The following CR2 variants were observed in gnomAD, a reference collection of about 807,000 sequenced individuals.
CR2 encodes the protein complement C3d receptor 2, also known as complement receptor type 2.
In CR2, 96 loss-of-function variants were observed where a neutral mutation model predicts 123.0. The ratio of observed to expected loss-of-function variants is 0.78; its 90% CI spans 0.66 to 0.93. The LOEUF is 0.93. Among genes scored for constraint, CR2 ranks in the 40% least tolerant of loss-of-function variants. The probability of loss-of-function intolerance (pLI) is 0.00; values close to 1 mark genes in which losing one functional copy is unlikely to be tolerated. For missense variants in CR2, 1,258 were observed against 1,361.0 expected (o/e 0.92, Z 1.19); for synonymous variants, 484 against 469.5 (o/e 1.03, Z -0.40).
At chr1:207,469,523 G>A (rs1658202050) in intron 5 of CR2, among the ~76,000 whole-genome samples, 172 bp from the exon 6 acceptor site, 1 of 152,134 alleles carries the variant, frequency 6.6e-6, no homozygotes, top group African/African-American at 2.4e-5. Context: ...CATATACTCA[G>A]GAATGAAGCT....
intron 6 of CR2, 100 bp downstream of exon 6, chr1:207,470,202 T>C: frequency 9.1e-6 from 12 of 1,321,660 alleles, no homozygotes; most frequent in African/African-American, 4.4e-5. Flanking sequence ...CAGTTTATAC[T>C]TCCCTCAAAT....
chr1:207,466,673 A>G lies in CR2; in HGVS notation c.206A>G (p.Asp69Gly), dbSNP rs1658109013. 2 of 1,614,114 alleles carry G rather than the reference A, an allele frequency of 1.2e-6. No homozygotes were observed. Among genetic ancestry groups the G allele is most frequent in the Non-Finnish European group, 1.7e-6 (2 of 1,179,996 alleles). Residue 69 changes from aspartate (D) to glycine (G), a missense_variant, in exon 2 of 20, where the codon GAC becomes GGC. Asp to Gly is a moderately conservative substitution (Grantham distance 94). Coordinates refer to ENST00000367057, the MANE Select transcript of CR2 (RefSeq NM_001006658.3). ...GEKSLLCITK[D>G]KVDGTWDKPA... ...AAAAGTCTATTATGCATAACTAAAG[A>G]CAAAGTGGATGGAACCTGGGATAAA...
At chr1:207,475,377 T>G (rs1451696037) in intron 14 of CR2, among the ~76,000 whole-genome samples, 161 bp downstream of exon 14, 2 of 149,438 alleles carry the variant, frequency 1.3e-5, no homozygotes, top group East Asian at 3.8e-4. Flanking sequence ...CTCACTTGAT[T>G]GTTTGTTTTC....
At chr1:207,479,869 A>G (rs1658555430) in intron 17 of CR2, 109 bp from the exon 18 acceptor site, 2 of 792,010 alleles carry the variant, frequency 2.5e-6, no homozygotes, top group Non-Finnish European at 4.5e-6. Context: ...AGAGTTAAGT[A>G]TGAGTCACAT....
Position 207,473,584 on chromosome 1 carries a change from C to T in CR2, c.2018C>T (p.Thr673Ile). 1 of 1,613,904 alleles carries T rather than the reference C, an allele frequency of 6.2e-7. No homozygotes were observed. Among genetic ancestry groups the T allele is most frequent in the Admixed American group, 1.7e-5 (1 of 59,976 alleles). The stretch of plus-strand genomic sequence containing the variant: ...CCTGGGCTCCACCATGGTCGTCATA[C>T]AGGTGGAAATACGGTCTTCTTTGTC... ...SPPGLHHGRHTGGNTVFFVSG... is the reference protein window; with the variant it reads ...SPPGLHHGRHIGGNTVFFVSG... Residue 673 changes from threonine to isoleucine, a missense_variant, in exon 11 of 20, where the codon ACA becomes ATA. By Grantham distance (89) the Thr-to-Ile change is moderately conservative. Transcript: ENST00000367057.
At chr1:207,484,958 G>C (rs1017033839) in intron 18 of CR2, among the ~76,000 whole-genome samples, 4 of 152,180 alleles carry the variant, frequency 2.6e-5, no homozygotes, top group Admixed American at 6.5e-5. Flanking sequence ...CTAGGGTAAA[G>C]CTGCTTAGTG....
rs1366279164 is a variant in CR2 at position 207,476,423 on chromosome 1, C to A, written c.2902+4C>A. ...CAACCTGCCCCTCATTGTAAAGGTG[C>A]TTTGTCTATTTTTTATTCTTATTTT... On this transcript the variant is annotated splice_donor_region_variant and intron_variant, in intron 15 of 19. Coordinates refer to ENST00000367057, the MANE Select transcript of CR2 (RefSeq NM_001006658.3). The A allele has an allele frequency of 1.2e-6, 2 of 1,612,304 alleles. No individual in the cohort carries two copies. The highest frequency in any genetic ancestry group is 4.5e-5 in the East Asian group (2 of 44,852).
chr1:207,488,400 C>A (rs1658805252), intron 19 of CR2, among the ~76,000 whole-genome samples: 1 of 152,096 alleles, frequency 6.6e-6, no homozygotes, highest in South Asian at 2.1e-4. Context: ...CCAAGGCAGG[C>A]AGATCACGAG....
At position 207,470,750 on chromosome 1, in the gene CR2, C is replaced by G. The variant is rs755441915; in HGVS notation, c.1236C>G (p.Ala412=). The G allele has an allele frequency of 1.2e-6, 2 of 1,613,722 alleles. No individual in the cohort carries two copies. The highest frequency in any genetic ancestry group is 2.2e-5 in the South Asian group (2 of 91,072). The stretch of plus-strand genomic sequence containing the variant: ...TGTCCTTTCATTTAGAATGCCAGGC[C>G]CCTCCTAACATCCTCAATGGGCAAA... ...SAPVCEKECQ[A]PPNILNGQKE... The change falls in exon 7 of 20, where the codon GCC becomes GCG. Residue 412 remains alanine, a synonymous_variant. Transcript: ENST00000367057.
At chr1:207,480,225 T>TATCAA (rs1427135670) in intron 18 of CR2, among the ~76,000 whole-genome samples, 172 bp downstream of exon 18, 1 of 152,216 alleles carries the variant, frequency 6.6e-6, no homozygotes, top group Non-Finnish European at 1.5e-5. Context: ...ACTTAAGAGA[T>TATCAA]ATCAAACACT....
intron 18 of CR2, among the ~76,000 whole-genome samples, chr1:207,482,369 G>A (rs1391070788): frequency 6.6e-6 from 1 of 152,012 alleles, no homozygotes; most frequent in East Asian, 1.9e-4. Context: ...ATGGATGTCA[G>A]CAATTTGCTG....
chr1:207,470,421 G>A (rs914389712), intron 6 of CR2, among the ~76,000 whole-genome samples: 14 of 152,142 alleles, frequency 9.2e-5, no homozygotes, highest in Non-Finnish European at 2.9e-5. Context: ...TCATTCCTAG[G>A]GATATATCAG....
intron 18 of CR2, among the ~76,000 whole-genome samples, chr1:207,484,062 A>G (rs1158077710): frequency 1.3e-5 from 2 of 152,236 alleles, no homozygotes; most frequent in Non-Finnish European, 2.9e-5. Context: ...GGAAGTCACA[A>G]GATAATTTCA....
chr1:207,474,957 G>T lies in CR2; in HGVS notation c.2457G>T (p.Leu819Phe), dbSNP rs745443589. 3.7e-6 allele frequency: 6 copies of T among 1,614,046 alleles called. No homozygotes were observed. The highest frequency in any genetic ancestry group is 5.1e-6 in the Non-Finnish European group (6 of 1,180,016). Reference sequence around the variant, plus strand: ...TCTATCTCCTGGGAGAGAAAAAATTGCAGTGCAGAAGTGATTCTAAAGGAC... The same window carrying T: ...TCTATCTCCTGGGAGAGAAAAAATTTCAGTGCAGAAGTGATTCTAAAGGAC... ...QGFYLLGEKKLQCRSDSKGHG... is the reference protein window; with the variant it reads ...QGFYLLGEKKFQCRSDSKGHG... The change falls in exon 14 of 20, where the codon TTG becomes TTT. Residue 819 changes from leucine (L) to phenylalanine (F), a missense_variant. Coordinates refer to ENST00000367057, the MANE Select transcript of CR2 (RefSeq NM_001006658.3).
chr1:207,473,641 C>A lies in CR2; in HGVS notation c.2075C>A (p.Pro692His). 1 of 1,614,038 alleles carries A rather than the reference C, an allele frequency of 6.2e-7. No individual in the cohort carries two copies. The highest frequency in any genetic ancestry group is 1.3e-5 in the African/African-American group (1 of 75,040). ...SGMTVDYTCDPGYLLVGNKSI... is the reference protein window; with the variant it reads ...SGMTVDYTCDHGYLLVGNKSI... ...ATGACTGTAGACTACACTTGTGACC[C>A]TGGCTATTTGCTTGTGGGAAACAAA... is the stretch of plus-strand genomic sequence containing the variant. The change falls in exon 11 of 20, where the codon CCT becomes CAT. Residue 692 changes from proline to histidine, a missense_variant. Transcript: ENST00000367057.
rs544980183 is a variant in CR2 at position 207,461,945 on chromosome 1, G to A, written c.59-4581G>A. Among the ~76,000 whole-genome samples, 4 of 152,114 alleles carry A rather than the reference G, an allele frequency of 2.6e-5. No homozygotes were observed. In the South Asian group the frequency reaches 8.3e-4, roughly 32 times the overall value. ...CTCCATGCTTCCTTTTACTCCTAGG[G>A]GCACTGGGTATGAGGGTTAAGTCAT... On this transcript the variant is annotated intron_variant, in intron 1 of 19. Coordinates refer to ENST00000367057, the MANE Select transcript of CR2 (RefSeq NM_001006658.3).
In CR2 at chr1:207,489,179, A is replaced by C. The variant is rs909531703; in HGVS notation, c.*56A>C. On this transcript the variant is annotated 3_prime_UTR_variant, in exon 20 of 20. Transcript: ENST00000367057. Reference sequence around the variant, plus strand: ...CTTGGAATTCAGCGGAATATTGATTAGAAAGAAACTGCTCTAATATCAGCA... The same window carrying C: ...CTTGGAATTCAGCGGAATATTGATTCGAAAGAAACTGCTCTAATATCAGCA... 2 of 152,284 alleles carry C rather than the reference A, an allele frequency of 1.3e-5. No individual in the cohort carries two copies. The highest frequency in any genetic ancestry group is 4.8e-5 in the African/African-American group (2 of 41,476). The allele number at this position is 152,284 out of a possible 1,614,324, so 9.4% of individuals were successfully genotyped here. A position where few individuals can be genotyped will look rare whatever the true frequency, so the allele number is the denominator to read the frequency against.
chr1:207,478,609 G>A (rs1281063050), intron 16 of CR2, among the ~76,000 whole-genome samples: 5 of 150,118 alleles, frequency 3.3e-5, no homozygotes, highest in Non-Finnish European at 5.9e-5. Flanking sequence ...AACTTTCTTA[G>A]GATGGGGAAA....
rs1283204309 is a variant in CR2 at position 207,476,381 on chromosome 1, A to G, written c.2864A>G (p.His955Arg). 4 of 1,613,914 alleles carry G rather than the reference A, an allele frequency of 2.5e-6. No individual in the cohort carries two copies. The highest frequency in any genetic ancestry group is 3.4e-6 in the Non-Finnish European group (4 of 1,179,888). ...LVGEALLLCT[H>R]EGTWSQPAPH... Reference sequence around the variant, plus strand: ...GGAGAGGCACTCCTTCTTTGCACACATGAGGGAACCTGGAGCCAACCTGCC... The same window carrying G: ...GGAGAGGCACTCCTTCTTTGCACACGTGAGGGAACCTGGAGCCAACCTGCC... The change falls in exon 15 of 20, where the codon CAT becomes CGT. Residue 955 changes from histidine (H) to arginine (R), a missense_variant. His to Arg is a conservative substitution (Grantham distance 29, BLOSUM62 0). Transcript: ENST00000367057.
Sources: allele counts gnomAD v4.1 joint callset (sites outside exome capture counted in the v4.1 genomes callset), GRCh38; gene constraint gnomAD v4.1.1; transcripts MANE v1.5; gene names NCBI Gene and HGNC (gene_info 2026-07-23, HGNC 2026-07-21).